Variants in MAPRE2 observed in about 807,000 individuals in gnomAD.
MAPRE2 encodes the protein microtubule associated protein RP/EB family member 2.
In MAPRE2, 13 loss-of-function variants were observed where a neutral mutation model predicts 43.2. That is an observed-to-expected ratio of 0.30 (90% CI 0.20 to 0.48). The LOEUF (loss-of-function observed/expected upper bound fraction) is 0.48, where lower values mean the gene tolerates loss of function less well. MAPRE2 is among the 20% of genes least tolerant of loss of function. The pLI is 0.99. For missense variants in MAPRE2, 161 were observed against 400.2 expected (o/e 0.40, Z 5.10); for synonymous variants, 135 against 148.8 (o/e 0.91, Z 0.68).
At chr18:35,007,833 T>C (rs2097032546) in intron 2 of MAPRE2, among the ~76,000 whole-genome samples, 1 of 148,278 alleles carries the variant, frequency 6.7e-6, no homozygotes, top group Non-Finnish European at 1.5e-5. Context: ...TTTTTTTTTT[T>C]CAATAAATGC....
chr18:35,053,019 C>T (rs1318615794), intron 1 of MAPRE2, among the ~76,000 whole-genome samples: 1 of 145,384 alleles, frequency 6.9e-6, no homozygotes, highest in African/African-American at 2.5e-5. Context: ...CACACACACA[C>T]ACAAAAAGAC....
At chr18:35,000,097 C>T (rs1222435391) in intron 1 of MAPRE2, among the ~76,000 whole-genome samples, 1 of 152,136 alleles carries the variant, frequency 6.6e-6, no homozygotes, top group Non-Finnish European at 1.5e-5. Context: ...ATGTGATCTA[C>T]AACTGAAGGG....
intron 4 of MAPRE2, among the ~76,000 whole-genome samples, chr18:35,124,533 C>G (rs553769703): frequency 1.3e-5 from 2 of 152,148 alleles, no homozygotes; most frequent in African/African-American, 4.8e-5. Flanking sequence ...ATAGCTGTTG[C>G]TCTGTGTGAG....
chr18:35,119,808 T>G (rs555694325), intron 4 of MAPRE2, among the ~76,000 whole-genome samples: 1 of 152,364 alleles, frequency 6.6e-6, no homozygotes, highest in Admixed American at 6.5e-5. Context: ...TTTATAAAAA[T>G]GTTCTTTAAA....
intron 1 of MAPRE2, among the ~76,000 whole-genome samples, chr18:35,053,148 C>G (rs1906040418): frequency 6.6e-6 from 1 of 152,108 alleles, no homozygotes; most frequent in Admixed American, 6.6e-5. Context: ...AATCCCAGCA[C>G]TTTGGGAGGC....
At chr18:35,070,519 G>A in intron 2 of MAPRE2, 197 bp downstream of exon 2, 1 of 400,196 alleles carries the variant, frequency 2.5e-6, no homozygotes, top group Non-Finnish European at 4.4e-6. Flanking sequence ...AGGAGCACAA[G>A]CAGAGCCACA....
intron 4 of MAPRE2, among the ~76,000 whole-genome samples, chr18:35,108,935 C>T (rs1259065995): frequency 6.6e-6 from 1 of 152,150 alleles, no homozygotes; most frequent in Non-Finnish European, 1.5e-5. Flanking sequence ...CCTGTTCACT[C>T]TGATGATAGT....
In MAPRE2 at chr18:35,021,503, A is replaced by G. The variant is rs114606122; in HGVS notation, c.-8+15950A>G. On this transcript the variant is annotated intron_variant, in intron 2 of 7. Transcript: ENST00000413393. ...TAATTTAGATGAAGTAATTCAGAGA[A>G]TAGAAGAAAACGTTTAATAAATATC... 2.4e-3 allele frequency among the ~76,000 whole-genome samples: 372 copies of G among 152,284 alleles called. 1 individual carries two copies. Among genetic ancestry groups the G allele is most frequent in the African/African-American group, 8.6e-3 (356 of 41,572 alleles).
chr18:35,121,420 A>G (rs1001716200), intron 4 of MAPRE2, among the ~76,000 whole-genome samples: 1 of 152,224 alleles, frequency 6.6e-6, no homozygotes, highest in Non-Finnish European at 1.5e-5. Context: ...ATGTCCAGTG[A>G]GCAAATTCAG....
chr18:35,097,613 A>T (rs1908487304), intron 3 of MAPRE2, 22 bp downstream of exon 3: 1 of 1,594,458 alleles, frequency 6.3e-7, no homozygotes, highest in African/African-American at 1.4e-5. Context: ...GTACCTCCAT[A>T]AAATGTGTTG....
chr18:35,026,228 G>A (rs943025313), intron 2 of MAPRE2, among the ~76,000 whole-genome samples: 1 of 152,154 alleles, frequency 6.6e-6, no homozygotes, highest in African/African-American at 2.4e-5. Flanking sequence ...GTCTGAATCA[G>A]ACAGATGGGT....
chr18:35,051,287 G>A (rs755590440), intron 1 of MAPRE2, among the ~76,000 whole-genome samples: 2 of 152,200 alleles, frequency 1.3e-5, no homozygotes, highest in Non-Finnish European at 2.9e-5. Context: ...GGTCTGGCAG[G>A]AGAAGGGAAA....
At chr18:35,119,709 A>G (rs1909585750) in intron 4 of MAPRE2, among the ~76,000 whole-genome samples, 3 of 152,232 alleles carry the variant, frequency 2.0e-5, no homozygotes, top group Admixed American at 6.5e-5. Context: ...TCTAAAAACA[A>G]ATTTATTGAA....
intron 1 of MAPRE2, among the ~76,000 whole-genome samples, chr18:35,053,856 G>A (rs1482754256): frequency 6.6e-6 from 1 of 152,126 alleles, no homozygotes; most frequent in Non-Finnish European, 1.5e-5. Flanking sequence ...ATACCTGGGT[G>A]ATGAAATAAT....
intron 2 of MAPRE2, among the ~76,000 whole-genome samples, chr18:35,015,313 C>A (rs1394204614): frequency 6.6e-6 from 1 of 152,094 alleles, no homozygotes; most frequent in Non-Finnish European, 1.5e-5. Flanking sequence ...TACCTGAACA[C>A]CAGACCCCTG....
At chr18:35,020,851 A>G (rs1182485715) in intron 2 of MAPRE2, among the ~76,000 whole-genome samples, 1 of 152,240 alleles carries the variant, frequency 6.6e-6, no homozygotes, top group Non-Finnish European at 1.5e-5. Flanking sequence ...TTTAGATTAT[A>G]TACTAAAAAT....
Position 35,034,088 on chromosome 18 carries a change from C to A in MAPRE2, c.-8+28535C>A, listed in dbSNP as rs184895363. Among the ~76,000 whole-genome samples the A allele has an allele frequency of 9.9e-3, 1,513 of 152,234 alleles. 21 individuals carry two copies. The highest frequency in any genetic ancestry group is 0.034 in the African/African-American group (1,428 of 41,516). The stretch of plus-strand genomic sequence containing the variant: ...CTAAGCAAAAGAACAAAGCTGGAGG[C>A]ATCATGCTACCTGACTTCAAACTAT... On this transcript the variant is annotated intron_variant, in intron 2 of 7. Transcript: ENST00000413393.
intron 4 of MAPRE2, among the ~76,000 whole-genome samples, chr18:35,112,018 G>T (rs562218306): frequency 6.6e-6 from 1 of 152,098 alleles, no homozygotes; most frequent in Non-Finnish European, 1.5e-5. Context: ...AGTACCTTAC[G>T]TATGTCTTTA....
At chr18:35,088,059 T>G (rs769183087) in intron 2 of MAPRE2, among the ~76,000 whole-genome samples, 15 of 152,216 alleles carry the variant, frequency 9.9e-5, no homozygotes, top group Non-Finnish European at 4.4e-5. Flanking sequence ...TGCTTACCTC[T>G]TAGTGGTCCT....
Sources: allele counts gnomAD v4.1 joint callset (sites outside exome capture counted in the v4.1 genomes callset), GRCh38; gene constraint gnomAD v4.1.1; transcripts MANE v1.5; gene names NCBI Gene and HGNC (gene_info 2026-07-23, HGNC 2026-07-21).